Variants in PTGES3 observed in about 807,000 individuals in gnomAD.
PTGES3 encodes Hsp90 co-chaperone.
Under a neutral mutation model 29.9 loss-of-function variants are expected in PTGES3, and 5 were observed. The observed-to-expected ratio is 0.17, with a 90% CI of 0.09 to 0.35. The LOEUF (loss-of-function observed/expected upper bound fraction) is 0.35. PTGES3 is among the 10% of genes least tolerant of loss of function. The probability of loss-of-function intolerance (pLI) is 1.00; values close to 1 mark genes in which losing one functional copy is unlikely to be tolerated. For missense variants in PTGES3, 128 were observed against 190.0 expected (o/e 0.67, Z 1.92); for synonymous variants, 49 against 57.8 (o/e 0.85, Z 0.69).
At chr12:56,679,396 G>A (rs1007745151) in intron 1 of PTGES3, among the ~76,000 whole-genome samples, 12 of 115,156 alleles carry the variant, frequency 1.0e-4, no homozygotes, top group Non-Finnish European at 1.8e-4. Flanking sequence ...GCAACAGAGT[G>A]AGACTCTGCC....
intron 6 of PTGES3, chr12:56,665,354 G>A (rs552862377): frequency 1.1e-6 from 1 of 939,440 alleles, no homozygotes; most frequent in African/African-American, 1.8e-5. Flanking sequence ...ACAGTGCAGT[G>A]GCGAGATCCG....
chr12:56,676,916 G>C (rs1317347407), intron 1 of PTGES3, among the ~76,000 whole-genome samples: 1 of 35,550 alleles, frequency 2.8e-5, no homozygotes, highest in East Asian at 1.2e-3. Flanking sequence ...GTGAGATTCC[G>C]ACTCAAAAAA....
intron 1 of PTGES3, chr12:56,687,662 T>G: frequency 1.6e-6 from 2 of 1,240,756 alleles, no homozygotes; most frequent in East Asian, 4.2e-5. Context: ...GGTTCACGCT[T>G]CAGGGCGCCG....
At chr12:56,676,229 C>T (rs1467605224) in intron 1 of PTGES3, among the ~76,000 whole-genome samples, 3 of 68,816 alleles carry the variant, frequency 4.4e-5, no homozygotes, top group Non-Finnish European at 8.2e-5. Flanking sequence ...GTGTCTCCCC[C>T]CCCAAAAAAA....
intron 6 of PTGES3, chr12:56,665,448 C>A (rs1951750734): frequency 1.1e-6 from 1 of 898,986 alleles, no homozygotes; most frequent in South Asian, 5.1e-5. Flanking sequence ...GCACCCGCCA[C>A]CATGCCCGGC....
At chr12:56,677,182 G>A (rs995219008) in intron 1 of PTGES3, among the ~76,000 whole-genome samples, 9 of 150,886 alleles carry the variant, frequency 6.0e-5, no homozygotes, top group African/African-American at 2.0e-4. Flanking sequence ...AGAGGTTGCA[G>A]TAAGCCAGAT....
intron 3 of PTGES3, among the ~76,000 whole-genome samples, chr12:56,672,418 T>C (rs1952040842): frequency 6.6e-6 from 1 of 152,042 alleles, no homozygotes. Flanking sequence ...CCCTGGAACC[T>C]ACGAGGCAGA....
chr12:56,677,921 G>C (rs1347251190), intron 1 of PTGES3, among the ~76,000 whole-genome samples: 2 of 152,084 alleles, frequency 1.3e-5, no homozygotes, highest in Non-Finnish European at 2.9e-5. Flanking sequence ...ACATGATTTG[G>C]TAGCCACAGG....
chr12:56,688,003 G>C lies in PTGES3; in HGVS notation c.-4C>G. On this transcript the variant is annotated 5_prime_UTR_variant, in exon 1 of 8. Transcript: ENST00000262033. The stretch of plus-strand genomic sequence containing the variant: ...CGGCGGGGTGTCGCACTCACATTGT[G>C]AACGGGGCAGGGGGACGGGCGAACT... 6.9e-6 allele frequency: 11 copies of C among 1,591,818 alleles called. No homozygotes were observed. The highest frequency in any genetic ancestry group is 9.4e-6 in the Non-Finnish European group (11 of 1,169,798).
intron 1 of PTGES3, among the ~76,000 whole-genome samples, chr12:56,682,345 G>C (rs1952580282): frequency 6.6e-6 from 1 of 152,102 alleles, no homozygotes; most frequent in Admixed American, 6.6e-5. Context: ...GACTGCTTGA[G>C]CCCAAGAGTT....
rs1952326798 is a variant in PTGES3 at position 56,677,794 on chromosome 12, GAAACTA to G, written c.3-4735_3-4730del. Among the ~76,000 whole-genome samples the G allele has an allele frequency of 2.0e-5, 3 of 152,032 alleles. No homozygotes were observed. The South Asian group carries it at 6.2e-4, about 32-fold the overall frequency. The stretch of plus-strand genomic sequence containing the variant: ...ATCTCATATTGAAACTGAACAACCT[GAAACTA>G]ATAGTTTGCTTAGTGTCTTGGCTTA... On this transcript the variant is annotated intron_variant, in intron 1 of 7. Transcript: ENST00000262033.
chr12:56,673,146 G>C (rs948145492), intron 1 of PTGES3, 81 bp from the exon 2 acceptor site: 1 of 873,824 alleles, frequency 1.1e-6, no homozygotes, highest in Admixed American at 3.1e-5. Context: ...CACCATTATA[G>C]CATTATTTCA....
chr12:56,665,400 T>C lies in PTGES3; in HGVS notation c.439-600A>G, dbSNP rs1206742329. Reference sequence around the variant, plus strand: ...ACCTCTGCCTCCCGGGTTCAAGCGATTCTCCTGCCTCAGCCTCCCAAGTAG... The same window carrying C: ...ACCTCTGCCTCCCGGGTTCAAGCGACTCTCCTGCCTCAGCCTCCCAAGTAG... On this transcript the variant is annotated intron_variant, in intron 6 of 7. Coordinates refer to ENST00000262033, the MANE Select transcript of PTGES3 (RefSeq NM_006601.7). 1.3e-5 allele frequency: 11 copies of C among 866,772 alleles called. No homozygotes were observed. In the Admixed American group the frequency reaches 6.9e-4, roughly 54 times the overall value. 53.7% of individuals were successfully genotyped at this position (866,772 alleles called of 1,614,324 possible). A position where few individuals can be genotyped will look rare whatever the true frequency, so the allele number is the denominator to read the frequency against.
At chr12:56,680,967 T>C (rs975183359) in intron 1 of PTGES3, among the ~76,000 whole-genome samples, 9 of 151,830 alleles carry the variant, frequency 5.9e-5, no homozygotes, top group Non-Finnish European at 8.8e-5. Context: ...AGATGGGGTC[T>C]TACCTTGTTG....
intron 1 of PTGES3, among the ~76,000 whole-genome samples, chr12:56,679,729 C>T (rs1444270607): frequency 6.6e-6 from 1 of 151,856 alleles, no homozygotes; most frequent in African/African-American, 2.4e-5. Flanking sequence ...GGCTGGAGAA[C>T]GGTGGCATGA....
At chr12:56,672,914 T>C in intron 2 of PTGES3, 38 bp downstream of exon 2, 1 of 1,569,246 alleles carries the variant, frequency 6.4e-7, no homozygotes, top group South Asian at 1.2e-5. Flanking sequence ...GTTGTGTGAA[T>C]GACTATTTTA....
intron 1 of PTGES3, among the ~76,000 whole-genome samples, chr12:56,674,595 G>A (rs1952140023): frequency 6.6e-6 from 1 of 151,966 alleles, no homozygotes; most frequent in African/African-American, 2.4e-5. Context: ...GGGAGGCCGA[G>A]GCAGGAGGAT....
At chr12:56,665,399 A>T in intron 6 of PTGES3, 1 of 867,542 alleles carries the variant, frequency 1.2e-6, no homozygotes, top group Non-Finnish European at 1.4e-6. Flanking sequence ...GGTTCAAGCG[A>T]TTCTCCTGCC....
intron 1 of PTGES3, among the ~76,000 whole-genome samples, chr12:56,679,330 C>G (rs1952417676): frequency 6.7e-6 from 1 of 148,270 alleles, no homozygotes; most frequent in Non-Finnish European, 1.5e-5. Context: ...TCGGTTGAAC[C>G]CAGGAGGCGG....
Sources: gnomAD v4.1 joint callset for allele counts (sites outside exome capture counted in the v4.1 genomes callset) on GRCh38, gnomAD v4.1.1 for gene constraint, MANE v1.5 for transcripts, NCBI Gene and HGNC (gene_info 2026-07-23, HGNC 2026-07-21) for gene names.